The following CCDC33 variants were observed in gnomAD, a reference collection of about 807,000 sequenced individuals.
CCDC33 encodes the protein coiled-coil domain-containing protein 33.
CCDC33 carries 94 observed loss-of-function variants against 91.9 expected under a neutral mutation model. The observed-to-expected ratio is 1.02, with a 90% CI of 0.87 to 1.21. The LOEUF (loss-of-function observed/expected upper bound fraction) is 1.21, where lower values mean the gene tolerates loss of function less well. Among genes scored for constraint, CCDC33 ranks in the 50% most tolerant of loss-of-function variants. The pLI is 0.00. For synonymous variants in CCDC33, 396 were observed against 374.5 expected (o/e 1.06, Z -0.66); for missense variants, 940 against 935.5 (o/e 1.00, Z -0.06).
At chr15:74,262,843 T>G (rs1482936880) in intron 3 of CCDC33, among the ~76,000 whole-genome samples, 1 of 152,222 alleles carries the variant, frequency 6.6e-6, no homozygotes, top group Non-Finnish European at 1.5e-5. Flanking sequence ...TCATGGCTGT[T>G]ATTAGCGCTG....
chr15:74,233,799 C>G (rs1057420638), upstream of CCDC33, among the ~76,000 whole-genome samples: 6 of 152,172 alleles, frequency 3.9e-5, no homozygotes, highest in African/African-American at 1.4e-4. Context: ...AACCAAAGCT[C>G]AGAAAGGGTT....
chr15:74,237,468 A>G (rs1478924069), intron 1 of CCDC33, among the ~76,000 whole-genome samples: 2 of 152,242 alleles, frequency 1.3e-5, no homozygotes, highest in African/African-American at 2.4e-5. Flanking sequence ...GCACACAGAT[A>G]CTTGCAAATG....
chr15:74,244,379 C>G lies in CCDC33; in HGVS notation c.185+231C>G, dbSNP rs1414964766. ...GGATCCAGAGAGTCACCCCTCCCCA[C>G]CCCACACCAGTGGGGCAGGGATTGG... On this transcript the variant is annotated intron_variant, in intron 2 of 18. Coordinates refer to ENST00000398814, the MANE Select transcript of CCDC33 (RefSeq NM_025055.5). This position sits in a 1 kb window ranked among gnomAD's most constrained non-coding sequence, Gnocchi z 4.2. Among the ~76,000 whole-genome samples the G allele has an allele frequency of 1.3e-5, 2 of 152,110 alleles. No homozygotes were observed. The highest frequency in any genetic ancestry group is 4.8e-5 in the African/African-American group (2 of 41,402).
intron 1 of CCDC33, among the ~76,000 whole-genome samples, chr15:74,240,842 C>T (rs1333858478): frequency 6.6e-6 from 1 of 152,236 alleles, no homozygotes; most frequent in African/African-American, 2.4e-5. Context: ...ATTTGCCCGC[C>T]TCGGCCTCCC....
intron 2 of CCDC33, among the ~76,000 whole-genome samples, chr15:74,224,817 A>G (rs2074735044): frequency 1.3e-5 from 2 of 152,288 alleles, no homozygotes; most frequent in South Asian, 2.1e-4. Flanking sequence ...GGATGTCTGT[A>G]TTGGGCAAAG....
rs1183863898 is a variant in CCDC33, at chr15:74,280,695, A to ACCAG, written c.920_923dup (p.Leu309AlafsTer43). On this transcript the variant is annotated frameshift_variant, in exon 9 of 19. Transcript: ENST00000398814. LOFTEE classifies it high-confidence loss of function. ...AAAGGCAGCCAGCCGTGGACCCTCA[A>ACCAG]CCAGCCCCTGGGCATCTCTGTGTTG... The ACCAG allele has an allele frequency of 1.3e-6, 2 of 1,528,662 alleles. No homozygotes were observed. Among genetic ancestry groups the ACCAG allele is most frequent in the Admixed American group, 4.2e-5 (2 of 47,812 alleles). 94.7% of individuals were successfully genotyped at this position (1,528,662 alleles called of 1,614,324 possible). A position where few individuals can be genotyped will look rare whatever the true frequency, so the allele number is the denominator to read the frequency against.
chr15:74,283,966 G>C (rs558089057), intron 10 of CCDC33, among the ~76,000 whole-genome samples: 1 of 152,298 alleles, frequency 6.6e-6, no homozygotes, highest in African/African-American at 2.4e-5. Flanking sequence ...CTGACACACA[G>C]ATGTTTTCAC....
intron 2 of CCDC33, among the ~76,000 whole-genome samples, chr15:74,220,313 A>G (rs1178767960): frequency 2.0e-5 from 3 of 152,166 alleles, no homozygotes; most frequent in Non-Finnish European, 4.4e-5. Flanking sequence ...GTCAATCAAC[A>G]CATACTTTTG....
chr15:74,280,771 C>G lies in CCDC33; in HGVS notation c.993C>G (p.Asp331Glu). 6.4e-7 allele frequency: 1 copy of G among 1,562,108 alleles called. No individual in the cohort carries two copies. Among genetic ancestry groups the G allele is most frequent in the Non-Finnish European group, 8.7e-7 (1 of 1,153,574 alleles). ...YQKMLTGKGL[D>E]GLHVERLPIM... ...AGATGCTGACAGGGAAAGGCTTGGA[C>G]GGGCTTCACGTGGAGCGGCTCCCCA... Residue 331 changes from aspartate to glutamate, a missense_variant, in exon 9 of 19, where the codon GAC (aspartate) becomes GAG (glutamate). Transcript: ENST00000398814.
chr15:74,217,265 A>T (rs1320849937), exon 1 of CCDC33: 1 of 1,259,876 alleles, frequency 7.9e-7, no homozygotes, highest in East Asian at 5.6e-5. Context: ...TTGGTCTCTC[A>T]GTGGCCATGG....
chr15:74,299,059 G>T (rs2059743652), intron 11 of CCDC33, among the ~76,000 whole-genome samples: 1 of 152,184 alleles, frequency 6.6e-6, no homozygotes, highest in South Asian at 2.1e-4. Context: ...CGACAGAGGA[G>T]TAGGCAGAGA....
intron 2 of CCDC33, among the ~76,000 whole-genome samples, chr15:74,248,209 A>G (rs1323042534): frequency 6.6e-6 from 1 of 152,112 alleles, no homozygotes; most frequent in Non-Finnish European, 1.5e-5. Flanking sequence ...ATCACTGCGG[A>G]AAGTATATGT....
chr15:74,334,863 C>A, intron 17 of CCDC33, 112 bp from the exon 18 acceptor site: 1 of 933,244 alleles, frequency 1.1e-6, no homozygotes, highest in Non-Finnish European at 1.7e-6. Context: ...GCCCACATGG[C>A]CCAGAGCTTT....
rs780445604 is a variant in CCDC33, at chr15:74,316,445, C to G, written c.1291-13744C>G. Among the ~76,000 whole-genome samples the G allele has an allele frequency of 6.6e-6, 1 of 152,184 alleles. No homozygotes were observed. The highest frequency in any genetic ancestry group is 6.5e-5 in the Admixed American group (1 of 15,280). On this transcript the variant is annotated intron_variant, in intron 11 of 18. Transcript: ENST00000398814. The surrounding 1 kb of genome is among the most constrained non-coding windows in gnomAD (Gnocchi z 4.7). ...TTTGATGAAAAATTCATGGCACGCC[C>G]GAGGATGGGAGCAGACTCAATCGAT...
At chr15:74,286,299 TACAC>T (rs371438267) in intron 10 of CCDC33, among the ~76,000 whole-genome samples, 1 of 151,832 alleles carries the variant, frequency 6.6e-6, no homozygotes, top group Non-Finnish European at 1.5e-5. Flanking sequence ...CTACTCCACA[TACAC>T]ACACACACAG....
intron 1 of CCDC33, chr15:74,208,891 A>T: frequency 1.0e-6 from 1 of 989,516 alleles, no homozygotes; most frequent in Non-Finnish European, 1.2e-6. Flanking sequence ...CCAGGCAAGC[A>T]GGGTGCTCCC....
chr15:74,261,731 T>G (rs2076029740), intron 2 of CCDC33, among the ~76,000 whole-genome samples: 1 of 152,158 alleles, frequency 6.6e-6, no homozygotes, highest in Non-Finnish European at 1.5e-5. Flanking sequence ...TGCACTGGGA[T>G]GCAGAGGGCC....
At chr15:74,243,619 G>A (rs2075418073) in intron 1 of CCDC33, 4 of 456,554 alleles carry the variant, frequency 8.8e-6, no homozygotes, top group Admixed American at 4.7e-5. Context: ...GCTGTGAGTG[G>A]CTAGTGCTAG....
intron 2 of CCDC33, among the ~76,000 whole-genome samples, chr15:74,249,704 A>C (rs2075647068): frequency 6.6e-6 from 1 of 152,108 alleles, no homozygotes; most frequent in Non-Finnish European, 1.5e-5. Context: ...ACTAGGGGTA[A>C]ATTGCTTATT....
Sources: allele counts gnomAD v4.1 joint callset (sites outside exome capture counted in the v4.1 genomes callset), GRCh38; gene constraint gnomAD v4.1.1; non-coding constraint Gnocchi (gnomAD v3.1); transcripts MANE v1.5; gene names NCBI Gene and HGNC (gene_info 2026-07-23, HGNC 2026-07-21).